Variants in DNAH11 observed in about 807,000 individuals in gnomAD.
The protein encoded by DNAH11 is axonemal beta dynein heavy chain 11.
DNAH11 carries 442 observed loss-of-function variants against 526.0 expected under a neutral mutation model. The observed-to-expected ratio is 0.84, with a 90% CI of 0.78 to 0.91. The LOEUF (loss-of-function observed/expected upper bound fraction) is 0.91, where lower values mean the gene tolerates loss of function less well. Among genes scored for constraint, DNAH11 ranks in the 40% least tolerant of loss-of-function variants. The pLI is 0.00. For missense variants in DNAH11, 6,989 were observed against 5,448.7 expected (o/e 1.28, Z -8.90); for synonymous variants, 2,461 against 1,935.9 (o/e 1.27, Z -7.12).
Position 21,822,991 on chromosome 7 carries a change from G to A in DNAH11, c.10691+4652G>A, listed in dbSNP as rs1018374105. Among the ~76,000 whole-genome samples the A allele has an allele frequency of 8.0e-5, 8 of 99,864 alleles. No individual in the cohort carries two copies. In the South Asian group the frequency reaches 9.2e-4, roughly 11 times the overall value. The allele number at this position is 99,864 out of a possible 152,430, so 65.5% of individuals were successfully genotyped here. On this transcript the variant is annotated intron_variant, in intron 65 of 81. Transcript: ENST00000409508. Reference sequence around the variant, plus strand: ...TTTTTTTTTTTTTTTTTTTGCTATCGGGTTGAGTTCCTTATATATTCTAGT... The same window carrying A: ...TTTTTTTTTTTTTTTTTTTGCTATCAGGTTGAGTTCCTTATATATTCTAGT...
At chr7:21,884,896 A>C (rs1784067468) in intron 76 of DNAH11, among the ~76,000 whole-genome samples, 1 of 152,130 alleles carries the variant, frequency 6.6e-6, no homozygotes, top group Non-Finnish European at 1.5e-5. Flanking sequence ...AATAGTCTAC[A>C]GTTGGACCAG....
At chr7:21,837,587 G>A (rs1005138579) in intron 65 of DNAH11, among the ~76,000 whole-genome samples, 1 of 152,138 alleles carries the variant, frequency 6.6e-6, no homozygotes, top group Admixed American at 6.6e-5. Flanking sequence ...AGGGAGGATG[G>A]TGGGGAGAGA....
At chr7:21,827,623 A>G (rs1427797466) in intron 65 of DNAH11, among the ~76,000 whole-genome samples, 1 of 151,642 alleles carries the variant, frequency 6.6e-6, no homozygotes, top group African/African-American at 2.4e-5. Flanking sequence ...AAATTGGCTA[A>G]TAGAAATATT....
intron 2 of DNAH11, among the ~76,000 whole-genome samples, chr7:21,547,448 C>G (rs1193429235): frequency 6.6e-6 from 1 of 152,212 alleles, no homozygotes; most frequent in Admixed American, 6.5e-5. Context: ...GGGGCAGTTA[C>G]AGCAGGTAAT....
chr7:21,543,174 C>A lies in DNAH11; in HGVS notation c.-72C>A. 6.9e-7 allele frequency: 1 copy of A among 1,446,368 alleles called. No individual in the cohort carries two copies. The highest frequency in any genetic ancestry group is 9.0e-7 in the Non-Finnish European group (1 of 1,106,202). The allele number at this position is 1,446,368 out of a possible 1,614,324, so 89.6% of individuals were successfully genotyped here. On this transcript the variant is annotated 5_prime_UTR_variant, in exon 1 of 82. Transcript: ENST00000409508. ...GGGTGGGCGCCTGCGGAGGTGTCCT[C>A]GCTCACTTCGGGGGGCCCAGAGTCT...
In DNAH11 at chr7:21,620,023, G is replaced by A. The variant is rs374100278; in HGVS notation, c.4445G>A (p.Gly1482Asp). ...TCTTACGAAGTTCACTATCGAACAG[G>A]CATTCCATTACTAAAGTCTGATGAA... is the stretch of plus-strand genomic sequence containing the variant. Reference protein sequence around the residue: ...KFSYEVHYRTGIPLLKSDEQL... With the variant: ...KFSYEVHYRTDIPLLKSDEQL... Residue 1482 changes from glycine to aspartate, a missense_variant, in exon 25 of 82, where the codon GGC (glycine) becomes GAC (aspartate). Gly to Asp is a moderately conservative substitution (Grantham distance 94). Transcript: ENST00000409508. 8 of 1,609,128 alleles carry A rather than the reference G, an allele frequency of 5.0e-6. No homozygotes were observed. The highest frequency in any genetic ancestry group is 2.2e-5 in the East Asian group (1 of 44,622).
At chr7:21,845,634 G>A (rs1418600604) in intron 66 of DNAH11, among the ~76,000 whole-genome samples, 1 of 152,086 alleles carries the variant, frequency 6.6e-6, no homozygotes, top group Non-Finnish European at 1.5e-5. Context: ...ACTGTAGCTT[G>A]ATAGTCTGGA....
chr7:21,614,416 G>A (rs1023049728), intron 20 of DNAH11, among the ~76,000 whole-genome samples: 4 of 152,170 alleles, frequency 2.6e-5, no homozygotes, highest in Non-Finnish European at 4.4e-5. Context: ...TTCCTGCCTT[G>A]CAAGTGCTCC....
chr7:21,754,920 T>G (rs1405746078), intron 54 of DNAH11, among the ~76,000 whole-genome samples: 1 of 152,198 alleles, frequency 6.6e-6, no homozygotes, highest in Non-Finnish European at 1.5e-5. Flanking sequence ...TCCAAATTGC[T>G]CTATGTTATT....
chr7:21,686,678 G>A (rs1022462344), intron 32 of DNAH11, among the ~76,000 whole-genome samples: 1 of 151,970 alleles, frequency 6.6e-6, no homozygotes, highest in Non-Finnish European at 1.5e-5. Flanking sequence ...GTATTAAGTA[G>A]CAGTTTAATA....
intron 45 of DNAH11, among the ~76,000 whole-genome samples, chr7:21,727,798 G>A (rs1785195566): frequency 6.6e-6 from 1 of 152,176 alleles, no homozygotes; most frequent in Non-Finnish European, 1.5e-5. Context: ...CCAAAGACCA[G>A]GTGGCACAAA....
intron 71 of DNAH11, 103 bp downstream of exon 71, chr7:21,866,766 A>G: frequency 8.1e-7 from 1 of 1,227,048 alleles, no homozygotes; most frequent in Non-Finnish European, 1.1e-6. Flanking sequence ...ATCCATTTTG[A>G]TGGGGAGTGA....
At chr7:21,638,009 A>T (rs62447795) in intron 27 of DNAH11, among the ~76,000 whole-genome samples, 3 of 149,856 alleles carry the variant, frequency 2.0e-5, no homozygotes, top group African/African-American at 7.5e-5. Flanking sequence ...CTATCCTGTA[A>T]ATATTGATTG....
intron 79 of DNAH11, among the ~76,000 whole-genome samples, 152 bp from the exon 80 acceptor site, chr7:21,899,184 G>A (rs1784644244): frequency 6.6e-6 from 1 of 152,198 alleles, no homozygotes. Context: ...AAGGGACAGT[G>A]CCCTGCAAAT....
intron 25 of DNAH11, among the ~76,000 whole-genome samples, chr7:21,631,766 G>C (rs978026413): frequency 1.2e-4 from 19 of 152,196 alleles, no homozygotes; most frequent in Non-Finnish European, 2.8e-4. Flanking sequence ...ACAGGCTGGT[G>C]TTGAGTATCT....
At chr7:21,724,770 A>C (rs4990334) in intron 44 of DNAH11, among the ~76,000 whole-genome samples, 1 of 112,376 alleles carries the variant, frequency 8.9e-6, no homozygotes. Context: ...TCCTATGAAT[A>C]TAGGAGTCAC....
chr7:21,642,606 G>T (rs1252703382), intron 28 of DNAH11, among the ~76,000 whole-genome samples: 1 of 152,118 alleles, frequency 6.6e-6, no homozygotes. Context: ...GGCAACTGCA[G>T]CTTGTGGAGC....
intron 54 of DNAH11, among the ~76,000 whole-genome samples, chr7:21,763,347 A>AC (rs1787009474): frequency 2.3e-5 from 1 of 42,812 alleles, no homozygotes. Flanking sequence ...CTCAAAAAAA[A>AC]AAAAAAAAAG....
chr7:21,736,013 G>A (rs1001197145), intron 46 of DNAH11, among the ~76,000 whole-genome samples, 169 bp downstream of exon 46: 6 of 152,150 alleles, frequency 3.9e-5, no homozygotes, highest in Non-Finnish European at 7.3e-5. Context: ...TTTAAATATT[G>A]TTGTGATTTT....
Sources: allele counts gnomAD v4.1 joint callset (sites outside exome capture counted in the v4.1 genomes callset), GRCh38; gene constraint gnomAD v4.1.1; transcripts MANE v1.5; gene names NCBI Gene and HGNC (gene_info 2026-07-23, HGNC 2026-07-21).